The following BCO2 variants were observed in gnomAD, a reference collection of about 807,000 sequenced individuals.
BCO2 encodes the protein beta-carotene oxygenase 2.
BCO2 carries 56 observed loss-of-function variants against 65.8 expected under a neutral mutation model. That is an observed-to-expected ratio of 0.85 (90% CI 0.69 to 1.06). The LOEUF (loss-of-function observed/expected upper bound fraction) is 1.06, where lower values mean the gene tolerates loss of function less well. BCO2 is among the 50% of genes least tolerant of loss of function. BCO2 has a pLI of 0.00. For synonymous variants in BCO2, 233 were observed against 242.3 expected (o/e 0.96, Z 0.36); for missense variants, 675 against 698.5 (o/e 0.97, Z 0.38).
intron 8 of BCO2, among the ~76,000 whole-genome samples, chr11:112,206,817 A>G (rs1166622415): frequency 2.0e-5 from 3 of 152,208 alleles, no homozygotes. Context: ...ACATCTTTAC[A>G]ATATTGAGTC....
intron 1 of BCO2, among the ~76,000 whole-genome samples, chr11:112,178,781 T>G (rs1484022153): frequency 2.6e-5 from 4 of 152,224 alleles, no homozygotes; most frequent in Non-Finnish European, 2.9e-5. Flanking sequence ...AAATTTAAGA[T>G]CTTATTAAAT....
chr11:112,208,572 A>G (rs1487166112), intron 8 of BCO2: 2 of 200,566 alleles, frequency 1.0e-5, no homozygotes, highest in Non-Finnish European at 2.0e-5. Context: ...AAAAAATATA[A>G]TAGAAACTGT....
At chr11:112,180,600 G>A (rs549106721) in intron 2 of BCO2, among the ~76,000 whole-genome samples, 51 of 152,040 alleles carry the variant, frequency 3.4e-4, no homozygotes, top group Non-Finnish European at 6.5e-4. Flanking sequence ...GACTGGCTGA[G>A]CCCTGGGTGT....
chr11:112,216,106 G>A, intron 10 of BCO2, 114 bp from the exon 11 acceptor site: 1 of 710,898 alleles, frequency 1.4e-6, no homozygotes, highest in South Asian at 1.7e-5. Context: ...GCTTTGGAGG[G>A]GACACACATC....
At chr11:112,180,087 T>G (rs758332175) in intron 2 of BCO2, among the ~76,000 whole-genome samples, 9 of 152,240 alleles carry the variant, frequency 5.9e-5, no homozygotes. Context: ...AAGTCCCTTA[T>G]ATAAAATGCT....
chr11:112,209,201 A>G (rs1213990354), intron 8 of BCO2, among the ~76,000 whole-genome samples: 1 of 152,220 alleles, frequency 6.6e-6, no homozygotes, highest in African/African-American at 2.4e-5. Flanking sequence ...AATATCATAC[A>G]GAATAGTTCA....
chr11:112,189,583 A>AT (rs1286455123), intron 2 of BCO2, among the ~76,000 whole-genome samples: 1 of 151,712 alleles, frequency 6.6e-6, no homozygotes. Context: ...ATTTTTTTGT[A>AT]TTTTTAGTAG....
At position 112,218,694 on chromosome 11, in the gene BCO2, G is replaced by A. The variant is rs547769828; in HGVS notation, c.*820G>A. ...AGAATCTTAAGTCAAGGATGTCATC[G>A]AAGAGTATTTCAAATGTAAGAAATG... On this transcript the variant is annotated 3_prime_UTR_variant, in exon 12 of 12. Coordinates refer to ENST00000357685, the MANE Select transcript of BCO2 (RefSeq NM_031938.7). The A allele has an allele frequency of 5.2e-5, 9 of 173,466 alleles. No homozygotes were observed. Among genetic ancestry groups the A allele is most frequent in the Non-Finnish European group, 8.8e-5 (7 of 79,342 alleles). 10.7% of individuals were successfully genotyped at this position (173,466 alleles called of 1,614,324 possible).
At chr11:112,192,372 A>C (rs1033160458) in intron 2 of BCO2, among the ~76,000 whole-genome samples, 1 of 152,164 alleles carries the variant, frequency 6.6e-6, no homozygotes, top group African/African-American at 2.4e-5. Flanking sequence ...ACTGATTAAC[A>C]TGTGTTAATC....
intron 5 of BCO2, among the ~76,000 whole-genome samples, chr11:112,196,090 G>T (rs1023966501): frequency 6.6e-6 from 1 of 152,166 alleles, no homozygotes; most frequent in Non-Finnish European, 1.5e-5. Flanking sequence ...TCCTCTGCTG[G>T]GTGTTTCCTG....
chr11:112,181,159 G>A, intron 2 of BCO2: 4 of 992,852 alleles, frequency 4.0e-6, no homozygotes, highest in Non-Finnish European at 6.5e-6. Flanking sequence ...GGGGAAGTAA[G>A]CAAGATGATA....
chr11:112,217,295 T>A (rs1859706882), intron 11 of BCO2, among the ~76,000 whole-genome samples: 1 of 152,236 alleles, frequency 6.6e-6, no homozygotes. Flanking sequence ...GGTGAGGCAC[T>A]GTGCTAGGTT....
At chr11:112,213,231 C>T (rs932488193) in intron 8 of BCO2, among the ~76,000 whole-genome samples, 6 of 135,968 alleles carry the variant, frequency 4.4e-5, no homozygotes, top group African/African-American at 2.7e-5. Context: ...GCAACTTCCA[C>T]CTTCCAGGTT....
rs900741094 is a variant in BCO2, at chr11:112,175,692, A to G, written c.88+3A>G. Reference sequence around the variant, plus strand: ...TGTGATGGTGCACCGGCTCCCAGGTAGAGGGTTTGCCCCTTTCTCTTCCTC... The same window carrying G: ...TGTGATGGTGCACCGGCTCCCAGGTGGAGGGTTTGCCCCTTTCTCTTCCTC... On this transcript the variant is annotated splice_donor_region_variant and intron_variant, in intron 1 of 11. Coordinates refer to ENST00000357685, the MANE Select transcript of BCO2 (RefSeq NM_031938.7). The G allele has an allele frequency of 1.2e-6, 2 of 1,611,408 alleles. No individual in the cohort carries two copies. The highest frequency in any genetic ancestry group is 8.5e-7 in the Non-Finnish European group (1 of 1,177,520).
chr11:112,183,270 G>A, intron 2 of BCO2: 1 of 708,290 alleles, frequency 1.4e-6, no homozygotes, highest in Non-Finnish European at 2.6e-6. Flanking sequence ...CCACTCAGTT[G>A]TCTAGAAGAA....
At chr11:112,177,843 C>T (rs1480436821) in intron 1 of BCO2, among the ~76,000 whole-genome samples, 7 of 151,794 alleles carry the variant, frequency 4.6e-5, no homozygotes, top group Non-Finnish European at 2.9e-5. Flanking sequence ...AAATATTACA[C>T]TGTGCTGCCT....
rs533459920 is a variant in BCO2 at position 112,203,040 on chromosome 11, A to T, written c.1194+850A>T. Among the ~76,000 whole-genome samples, 182 of 126,942 alleles carry T rather than the reference A, an allele frequency of 1.4e-3. 1 individual carries two copies. The highest frequency in any genetic ancestry group is 5.4e-3 in the African/African-American group (170 of 31,718). The allele number at this position is 126,942 out of a possible 152,430, so 83.3% of individuals were successfully genotyped here. On this transcript the variant is annotated intron_variant, in intron 8 of 11. Transcript: ENST00000357685. ...ACCCCAGCCTGTGCAACACAGTAAGACTCCATCTCCAAAAAAAAAAAAAAA... is the reference window on the plus strand; with the variant it reads ...ACCCCAGCCTGTGCAACACAGTAAGTCTCCATCTCCAAAAAAAAAAAAAAA...
intron 2 of BCO2, among the ~76,000 whole-genome samples, chr11:112,193,077 A>C (rs574489425): frequency 4.4e-4 from 65 of 147,358 alleles, no homozygotes; most frequent in Non-Finnish European, 8.6e-4. Context: ...TCCCAGGTTC[A>C]CGCCATTCTC....
intron 2 of BCO2, among the ~76,000 whole-genome samples, chr11:112,191,578 A>G (rs954894142): frequency 1.3e-5 from 2 of 152,188 alleles, no homozygotes; most frequent in Non-Finnish European, 2.9e-5. Flanking sequence ...TACAATCTTA[A>G]TAAAAATTCC....
Sources: allele counts gnomAD v4.1 joint callset (sites outside exome capture counted in the v4.1 genomes callset), GRCh38; gene constraint gnomAD v4.1.1; transcripts MANE v1.5; gene names NCBI Gene and HGNC (gene_info 2026-07-23, HGNC 2026-07-21).